ASTN1: variants seen among roughly 807,000 people sequenced by gnomAD.
ASTN1 encodes the protein astrotactin 1, also known as astrotactin-1.
Under a neutral mutation model 140.7 loss-of-function variants are expected in ASTN1, and 41 were observed. That is an observed-to-expected ratio of 0.29 (90% CI 0.23 to 0.38). The LOEUF (loss-of-function observed/expected upper bound fraction) is 0.38. ASTN1 is among the 10% of genes least tolerant of loss of function. The probability of loss-of-function intolerance (pLI) is 1.00; values close to 1 mark genes in which losing one functional copy is unlikely to be tolerated. For missense variants in ASTN1, 1,479 were observed against 1,678.8 expected (o/e 0.88, Z 2.08); for synonymous variants, 640 against 652.2 (o/e 0.98, Z 0.29).
intron 14 of ASTN1, among the ~76,000 whole-genome samples, chr1:176,936,716 A>G (rs1671463809): frequency 6.6e-6 from 1 of 152,176 alleles, no homozygotes; most frequent in Non-Finnish European, 1.5e-5. Context: ...TTTCACACAC[A>G]ATAACTTCTG....
At chr1:177,022,688 T>G (rs923524008) in intron 7 of ASTN1, among the ~76,000 whole-genome samples, 1 of 152,202 alleles carries the variant, frequency 6.6e-6, no homozygotes, top group Non-Finnish European at 1.5e-5. Context: ...TTCAAATGTG[T>G]CCAGCATTTA....
chr1:176,885,958 C>T (rs1168582060), intron 18 of ASTN1, among the ~76,000 whole-genome samples: 1 of 151,780 alleles, frequency 6.6e-6, no homozygotes, highest in Non-Finnish European at 1.5e-5. Flanking sequence ...TTGCATATGA[C>T]ATTGAAGATG....
At chr1:177,151,547 G>A (rs1683036566) in intron 1 of ASTN1, among the ~76,000 whole-genome samples, 1 of 152,100 alleles carries the variant, frequency 6.6e-6, no homozygotes, top group Non-Finnish European at 1.5e-5. Context: ...CCTGGGGAAT[G>A]GCAGAGCAAC....
rs898630509 is a variant in ASTN1 at position 176,884,550 on chromosome 1, T to C, written c.3075-60A>G. The C allele has an allele frequency of 9.8e-6, 15 of 1,537,022 alleles. No homozygotes were observed. In the African/African-American group the frequency reaches 1.9e-4, roughly 20 times the overall value. ...CACAACTGTGACTCACTTTGGGCACTGACTACCTCAATTGTGATACTGTAA... is the reference window on the plus strand; with the variant it reads ...CACAACTGTGACTCACTTTGGGCACCGACTACCTCAATTGTGATACTGTAA... On this transcript the variant is annotated intron_variant, in intron 18 of 22. Coordinates refer to ENST00000361833, the MANE Select transcript of ASTN1 (RefSeq NM_004319.3).
At chr1:177,014,245 C>T (rs896236630) in intron 8 of ASTN1, among the ~76,000 whole-genome samples, 2 of 152,122 alleles carry the variant, frequency 1.3e-5, no homozygotes, top group Admixed American at 1.3e-4. Context: ...TACTTTGTCC[C>T]ACTCGTGTGT....
chr1:177,028,127 T>G (rs16850653), intron 5 of ASTN1, among the ~76,000 whole-genome samples: 8,145 of 152,146 alleles, frequency 0.054, 712 homozygotes, highest in African/African-American at 0.18. Context: ...CGTAAAAAGT[T>G]GATGCATTAG....
intron 8 of ASTN1, among the ~76,000 whole-genome samples, chr1:176,977,949 C>T (rs537015511): frequency 2.0e-5 from 3 of 152,202 alleles, no homozygotes; most frequent in Admixed American, 6.5e-5. Context: ...TGGAAGAGAT[C>T]GCAAGTGAAA....
At chr1:176,922,028 A>T (rs1488511584) in intron 16 of ASTN1, among the ~76,000 whole-genome samples, 1 of 152,216 alleles carries the variant, frequency 6.6e-6, no homozygotes, top group Non-Finnish European at 1.5e-5. Context: ...ATGGGGTAGG[A>T]GTAGGAAGAG....
chr1:176,979,076 T>C (rs779796980), intron 8 of ASTN1, among the ~76,000 whole-genome samples: 1 of 152,134 alleles, frequency 6.6e-6, no homozygotes, highest in Non-Finnish European at 1.5e-5. Flanking sequence ...GAAAGTGCTC[T>C]GAAGAAGGGA....
intron 2 of ASTN1, among the ~76,000 whole-genome samples, chr1:177,038,814 T>G (rs774011679): frequency 2.0e-5 from 3 of 152,150 alleles, no homozygotes; most frequent in African/African-American, 7.2e-5. Context: ...TCTACATAAT[T>G]TGGTTTTTAA....
At chr1:177,158,138 A>G (rs1387637784) in intron 1 of ASTN1, among the ~76,000 whole-genome samples, 1 of 152,230 alleles carries the variant, frequency 6.6e-6, no homozygotes, top group Admixed American at 6.5e-5. Context: ...GTTGTACTAT[A>G]TAATACCAAA....
intron 21 of ASTN1, among the ~76,000 whole-genome samples, chr1:176,874,790 T>C (rs1425441369): frequency 6.6e-6 from 1 of 152,142 alleles, no homozygotes; most frequent in Non-Finnish European, 1.5e-5. Flanking sequence ...TTAGCTAGGG[T>C]ACTATCTCCC....
intron 16 of ASTN1, among the ~76,000 whole-genome samples, chr1:176,913,530 C>T (rs1400187879): frequency 6.6e-6 from 1 of 152,198 alleles, no homozygotes; most frequent in Admixed American, 6.5e-5. Context: ...ACTATTAAAA[C>T]ATTTTCTATG....
At chr1:177,014,261 G>A (rs1009305417) in intron 8 of ASTN1, among the ~76,000 whole-genome samples, 23 of 152,192 alleles carry the variant, frequency 1.5e-4, no homozygotes, top group African/African-American at 5.5e-4. Context: ...TGTGTGTCTA[G>A]GGGAAAACAA....
chr1:176,959,288 G>A (rs1247593516), intron 9 of ASTN1, among the ~76,000 whole-genome samples: 1 of 152,170 alleles, frequency 6.6e-6, no homozygotes, highest in East Asian at 1.9e-4. Flanking sequence ...GTGTGGATGG[G>A]ATATGAGGAG....
At position 177,043,511 on chromosome 1, in the gene ASTN1, T is replaced by C. The variant is rs74127287; in HGVS notation, c.472-10662A>G. Among the ~76,000 whole-genome samples the C allele has an allele frequency of 7.5e-3, 1,141 of 152,338 alleles. 13 individuals carry two copies. The highest frequency in any genetic ancestry group is 0.025 in the African/African-American group (1,047 of 41,576). On this transcript the variant is annotated intron_variant, in intron 2 of 22. Transcript: ENST00000361833. The stretch of plus-strand genomic sequence containing the variant: ...CGAAAACAGAGGTTAACAAAACTTG[T>C]ATACATTGCTTTGTGCTCATAAGCT...
intron 2 of ASTN1, among the ~76,000 whole-genome samples, chr1:177,035,550 T>A (rs1676673268): frequency 6.6e-6 from 1 of 152,254 alleles, no homozygotes. Flanking sequence ...AAAAAGACGA[T>A]ACTCACATTT....
At chr1:177,024,371 A>G (rs1675990774) in intron 6 of ASTN1, among the ~76,000 whole-genome samples, 1 of 152,094 alleles carries the variant, frequency 6.6e-6, no homozygotes, top group Non-Finnish European at 1.5e-5. Context: ...GGCATAGAGA[A>G]GAAGAGGTGA....
At chr1:176,902,923 G>C (rs1278461084) in intron 16 of ASTN1, among the ~76,000 whole-genome samples, 2 of 152,184 alleles carry the variant, frequency 1.3e-5, no homozygotes, top group African/African-American at 4.8e-5. Flanking sequence ...CTGCTGGGAA[G>C]CCCTAAAGCT....
Sources: allele counts gnomAD v4.1 joint callset (sites outside exome capture counted in the v4.1 genomes callset), GRCh38; gene constraint gnomAD v4.1.1; transcripts MANE v1.5; gene names NCBI Gene and HGNC (gene_info 2026-07-23, HGNC 2026-07-21).